Variants in CFAP47 observed in about 807,000 individuals in gnomAD.
CFAP47 encodes cilia- and flagella-associated protein 47.
Under a neutral mutation model 148.1 loss-of-function variants are expected in CFAP47, and 29 were observed. The ratio of observed to expected loss-of-function variants is 0.20; its 90% CI spans 0.15 to 0.27. The LOEUF (loss-of-function observed/expected upper bound fraction) is 0.27. Among genes scored for constraint, CFAP47 ranks in the 10% least tolerant of loss-of-function variants. CFAP47 has a pLI of 1.00. For synonymous variants in CFAP47, 664 were observed against 577.3 expected (o/e 1.15, Z -2.15); for missense variants, 1,872 against 1,697.5 (o/e 1.10, Z -1.81).
At chrX:36,044,350 C>T (rs1937440782) in intron 25 of CFAP47, among the ~76,000 whole-genome samples, 1 of 113,086 alleles carries the variant, frequency 8.8e-6, no homozygotes, top group South Asian at 3.5e-4. Flanking sequence ...CATGGTCAGG[C>T]TGCAAATTTT....
chrX:36,381,515 A>G, intron 63 of CFAP47, among the ~76,000 whole-genome samples: 1 of 111,823 alleles, frequency 8.9e-6, no homozygotes, highest in Admixed American at 9.6e-5. Context: ...ATTAGCCCAA[A>G]CAAACCTCAA....
At chrX:36,239,966 T>C (rs1189471497) in intron 48 of CFAP47, among the ~76,000 whole-genome samples, 1 of 111,846 alleles carries the variant, frequency 8.9e-6, no homozygotes, top group Non-Finnish European at 1.9e-5. Context: ...CTTTCACCGT[T>C]TATAGAAACC....
chrX:36,188,124 AT>A (rs1939826901), intron 40 of CFAP47, among the ~76,000 whole-genome samples: 1 of 111,994 alleles, frequency 8.9e-6, no homozygotes, highest in South Asian at 3.7e-4. Context: ...GTTTTTAGAA[AT>A]GCAATCAGAA....
intron 18 of CFAP47, among the ~76,000 whole-genome samples, chrX:35,997,060 C>A (rs945785418): frequency 4.5e-5 from 5 of 111,419 alleles, no homozygotes; most frequent in African/African-American, 1.6e-4. Flanking sequence ...ATAGGTAGAA[C>A]TCTGCTTTCA....
intron 35 of CFAP47, chrX:36,144,650 C>T: frequency 9.7e-7 from 1 of 1,027,754 alleles, no homozygotes; most frequent in Non-Finnish European, 1.3e-6. Flanking sequence ...TTGTTACCAT[C>T]CGATTGGCTG....
At chrX:36,191,444 G>A (rs1197756651) in intron 42 of CFAP47, among the ~76,000 whole-genome samples, 1 of 111,258 alleles carries the variant, frequency 9.0e-6, no homozygotes, top group South Asian at 3.7e-4. Context: ...TCTTGCTTAC[G>A]TATGTTTTGT....
intron 15 of CFAP47, chrX:35,985,960 T>C (rs1324217522): frequency 3.0e-6 from 1 of 338,547 alleles, no homozygotes; most frequent in South Asian, 2.8e-5. Context: ...AATACAATTG[T>C]TATCTCCATT....
At chrX:36,080,354 T>C (rs977735872) in intron 29 of CFAP47, among the ~76,000 whole-genome samples, 1 of 111,481 alleles carries the variant, frequency 9.0e-6, no homozygotes, top group Non-Finnish European at 1.9e-5. Context: ...GTTCAACCAT[T>C]AGTGGAAGAC....
At position 36,172,401 on chromosome X, in the gene CFAP47, T is replaced by G. The variant is rs1483141495; in HGVS notation, c.6027-6944T>G. On this transcript the variant is annotated intron_variant, in intron 39 of 63. Coordinates refer to ENST00000378653, the MANE Select transcript of CFAP47 (RefSeq NM_001304548.2). ...CAGTTTTCAAAGGGAATGCTTCCAG[T>G]TTTTGCCCATTCAGTATGATATTGG... is the stretch of plus-strand genomic sequence containing the variant. 7.5e-4 allele frequency among the ~76,000 whole-genome samples: 80 copies of G among 107,022 alleles called. 1 individual carries two copies. The highest frequency in any genetic ancestry group is 2.5e-3 in the African/African-American group (74 of 29,318). 92.9% of individuals were successfully genotyped at this position (107,022 alleles called of 115,157 possible).
chrX:36,030,486 G>C (rs1370843042), intron 22 of CFAP47, among the ~76,000 whole-genome samples: 2 of 110,656 alleles, frequency 1.8e-5, no homozygotes, highest in African/African-American at 6.5e-5. Context: ...GACAGGTTTT[G>C]GGAGTAACAC....
chrX:36,089,398 A>G (rs1015506044), intron 30 of CFAP47, among the ~76,000 whole-genome samples: 1 of 111,829 alleles, frequency 8.9e-6, no homozygotes, highest in African/African-American at 3.3e-5. Flanking sequence ...AAAAAAGAAA[A>G]TAAAAAATTA....
intron 39 of CFAP47, among the ~76,000 whole-genome samples, chrX:36,172,283 C>A (rs1223170580): frequency 3.9e-5 from 4 of 103,132 alleles, no homozygotes; most frequent in African/African-American, 1.4e-4. Flanking sequence ...AATTGAATAC[C>A]CTTTATTTCC....
chrX:36,314,734 TGA>T (rs1358510624), intron 56 of CFAP47, among the ~76,000 whole-genome samples: 2 of 109,520 alleles, frequency 1.8e-5, no homozygotes, highest in Admixed American at 9.8e-5. Flanking sequence ...CCTACCTATC[TGA>T]GAGAGAGAGA....
intron 62 of CFAP47, 109 bp downstream of exon 62, chrX:36,367,236 G>T (rs1207067688): frequency 2.0e-6 from 1 of 507,873 alleles, no homozygotes; most frequent in East Asian, 4.0e-5. Flanking sequence ...TTAAGCCAGC[G>T]CAACATTGGT....
intron 39 of CFAP47, among the ~76,000 whole-genome samples, chrX:36,173,925 G>A (rs1372007614): frequency 9.0e-6 from 1 of 111,334 alleles, no homozygotes; most frequent in African/African-American, 3.3e-5. Flanking sequence ...TTATTAATGT[G>A]TGGGAGTCTA....
At chrX:36,255,058 C>T (rs1405445821) in intron 49 of CFAP47, among the ~76,000 whole-genome samples, 6 of 111,864 alleles carry the variant, frequency 5.4e-5, no homozygotes, top group Admixed American at 9.5e-5. Flanking sequence ...CAGTGATCTA[C>T]GATCATGTTC....
rs1941390802 is a variant in CFAP47, at chrX:36,311,106, T to G, written c.8344+117T>G. Reference sequence around the variant, plus strand: ...ATACTTTAGAAATCTGTAAAGAAAATTATCTTATAAAAGAGAAAACAAGAT... The same window carrying G: ...ATACTTTAGAAATCTGTAAAGAAAAGTATCTTATAAAAGAGAAAACAAGAT... On this transcript the variant is annotated intron_variant, in intron 56 of 63. Coordinates refer to ENST00000378653, the MANE Select transcript of CFAP47 (RefSeq NM_001304548.2). 1.4e-5 allele frequency: 6 copies of G among 444,056 alleles called. No individual in the cohort carries two copies. In the South Asian group the frequency reaches 3.9e-4, roughly 29 times the overall value. The allele number at this position is 444,056 out of a possible 1,213,427, so 36.6% of individuals were successfully genotyped here.
chrX:36,364,892 T>C (rs894557392), intron 61 of CFAP47, among the ~76,000 whole-genome samples: 6 of 89,485 alleles, frequency 6.7e-5, no homozygotes, highest in African/African-American at 2.4e-4. Context: ...TTAACAGTTA[T>C]ATTTTGTGCA....
At chrX:36,330,764 T>C (rs1160640037) in intron 57 of CFAP47, among the ~76,000 whole-genome samples, 3 of 111,899 alleles carry the variant, frequency 2.7e-5, no homozygotes, top group African/African-American at 6.5e-5. Context: ...AAGAAAGCTC[T>C]GACTTTACTT....
Sources: allele counts gnomAD v4.1 joint callset (sites outside exome capture counted in the v4.1 genomes callset), GRCh38; gene constraint gnomAD v4.1.1; transcripts MANE v1.5; gene names NCBI Gene and HGNC (gene_info 2026-07-23, HGNC 2026-07-21).